The following OTOG variants were observed in gnomAD, a reference collection of about 807,000 sequenced individuals.
OTOG encodes otogelin.
OTOG carries 296 observed loss-of-function variants against 313.8 expected under a neutral mutation model. The observed-to-expected ratio is 0.94, with a 90% CI of 0.86 to 1.04. OTOG has a LOEUF of 1.04. OTOG is among the 50% of genes least tolerant of loss of function. OTOG has a pLI of 0.00. For missense variants in OTOG, 3,948 were observed against 3,840.1 expected, an observed-to-expected ratio of 1.03 and a Z score of -0.74; for synonymous variants, 1,533 against 1,554.9, an observed-to-expected ratio of 0.99 and a Z score of 0.33.
intron 26 of OTOG, 141 bp from the exon 27 acceptor site, chr11:17,593,469 C>T (rs913987325): frequency 5.6e-6 from 8 of 1,423,544 alleles, no homozygotes; most frequent in African/African-American, 2.8e-5. Context: ...CTGAATTCCT[C>T]TTGGCCAGGG....
chr11:17,606,375 G>A (rs990899397), intron 33 of OTOG, among the ~76,000 whole-genome samples: 1 of 152,236 alleles, frequency 6.6e-6, no homozygotes, highest in Admixed American at 6.5e-5. Flanking sequence ...CCTGCCTTCT[G>A]CCACAGGCCA....
Position 17,611,070 on chromosome 11 carries a change from T to C in OTOG, c.5770T>C (p.Tyr1924His), listed in dbSNP as rs1853527744. The stretch of plus-strand genomic sequence containing the variant: ...GCAAGTGTCTCTGCCCACTTCCATG[T>C]ATGGTTCTGCAGAGGGTGGGCCCAC... Reference protein sequence around the residue: ...SKQVSLPTSMYGSAEGGPTEL... With the variant: ...SKQVSLPTSMHGSAEGGPTEL... The change falls in exon 36 of 56, where the codon TAT (tyrosine) becomes CAT (histidine). Residue 1924 changes from tyrosine to histidine, a missense_variant. By Grantham distance (83) the Tyr-to-His change is moderately conservative. Transcript: ENST00000399397. 3 of 1,550,598 alleles carry C rather than the reference T, an allele frequency of 1.9e-6. No individual in the cohort carries two copies. The highest frequency in any genetic ancestry group is 2.6e-6 in the Non-Finnish European group (3 of 1,146,976).
intron 3 of OTOG, 130 bp from the exon 4 acceptor site, chr11:17,551,869 TG>T: frequency 1.3e-6 from 1 of 743,016 alleles, no homozygotes. Flanking sequence ...GAGGAGTGGC[TG>T]GGGCACTGAG....
At chr11:17,587,643 C>T (rs944977520) in intron 24 of OTOG, among the ~76,000 whole-genome samples, 5 of 152,208 alleles carry the variant, frequency 3.3e-5, no homozygotes, top group Non-Finnish European at 5.9e-5. Context: ...AGCAGGGTCA[C>T]GGTCAAGCCC....
At position 17,633,888 on chromosome 11, in the gene OTOG, C is replaced by G; in HGVS notation, c.7267+14C>G. The G allele has an allele frequency of 1.3e-6, 2 of 1,517,600 alleles. No individual in the cohort carries two copies. Among genetic ancestry groups the G allele is most frequent in the Non-Finnish European group, 1.8e-6 (2 of 1,131,390 alleles). The allele number at this position is 1,517,600 out of a possible 1,614,324, so 94.0% of individuals were successfully genotyped here. A position where few individuals can be genotyped will look rare whatever the true frequency, so the allele number is the denominator to read the frequency against. ...AGGCCAAGTGCGGTAGGTTCCTCCC[C>G]TCCCTGAGTGGGGGGCCTCCAAAGC... On this transcript the variant is annotated intron_variant, in intron 43 of 55. Coordinates refer to ENST00000399397, the MANE Select transcript of OTOG (RefSeq NM_001292063.2).
At chr11:17,628,573 G>A (rs1854040481) in intron 39 of OTOG, among the ~76,000 whole-genome samples, 1 of 152,142 alleles carries the variant, frequency 6.6e-6, no homozygotes, top group African/African-American at 2.4e-5. Flanking sequence ...TTTATGTTAG[G>A]CTCAAAGGCA....
intron 6 of OTOG, among the ~76,000 whole-genome samples, chr11:17,553,874 C>T (rs1851999089): frequency 6.6e-6 from 1 of 152,214 alleles, no homozygotes; most frequent in African/African-American, 2.4e-5. Flanking sequence ...GACATCAAAT[C>T]AGAGGACTCA....
intron 10 of OTOG, 21 bp from the exon 11 acceptor site, chr11:17,559,031 A>G: frequency 6.5e-7 from 1 of 1,539,924 alleles, no homozygotes; most frequent in Non-Finnish European, 8.8e-7. Context: ...TTCCAGTGTG[A>G]CCCTTGGTTT....
Position 17,645,831 on chromosome 11 carries a change from T to C in OTOG, c.8629T>C (p.Cys2877Arg). ...INTYARFCKC[C>R]REVGLQRRSV... ...CACCTATGCCCGATTCTGCAAGTGC[T>C]GCCGTGAGGTGGGCCTGCAGCGGCG... The change falls in exon 56 of 56, where the codon TGC becomes CGC. Residue 2877 changes from cysteine (C) to arginine (R), a missense_variant. Cys to Arg is a radical substitution (Grantham distance 180). Transcript: ENST00000399397. The C allele has an allele frequency of 1.3e-6, 2 of 1,551,042 alleles. No homozygotes were observed. The highest frequency in any genetic ancestry group is 1.7e-6 in the Non-Finnish European group (2 of 1,147,094).
At chr11:17,558,346 C>A in intron 9 of OTOG, 31 bp downstream of exon 9, 1 of 1,548,174 alleles carries the variant, frequency 6.5e-7, no homozygotes, top group Non-Finnish European at 8.7e-7. Context: ...CTCCCCTACC[C>A]TAGAGCCTGA....
intron 23 of OTOG, among the ~76,000 whole-genome samples, chr11:17,585,645 T>C (rs1374607260): frequency 6.6e-6 from 1 of 152,204 alleles, no homozygotes; most frequent in African/African-American, 2.4e-5. Flanking sequence ...TCAGAAGCCC[T>C]CAACCCCATT....
chr11:17,633,530 A>G, intron 42 of OTOG, 150 bp from the exon 43 acceptor site: 1 of 672,872 alleles, frequency 1.5e-6, no homozygotes, highest in Non-Finnish European at 2.4e-6. Flanking sequence ...GAAGGAGGTG[A>G]TGTCACCAAG....
rs1388305018 is a variant in OTOG at position 17,593,142 on chromosome 11, C to T, written c.3007-51C>T. On this transcript the variant is annotated intron_variant, in intron 25 of 55. Transcript: ENST00000399397. Reference sequence around the variant, plus strand: ...GTTCCTCCACCTCTGTACCTCTTGGCAGGATCTCCTTTCTCCCTTGTTTTA... The same window carrying T: ...GTTCCTCCACCTCTGTACCTCTTGGTAGGATCTCCTTTCTCCCTTGTTTTA... 4.0e-6 allele frequency: 6 copies of T among 1,509,298 alleles called. No individual in the cohort carries two copies. The South Asian group carries it at 5.0e-5, about 13-fold the overall frequency. The allele number at this position is 1,509,298 out of a possible 1,614,324, so 93.5% of individuals were successfully genotyped here.
At chr11:17,554,152 G>A (rs554667080) in intron 6 of OTOG, among the ~76,000 whole-genome samples, 29 of 152,140 alleles carry the variant, frequency 1.9e-4, no homozygotes, top group Non-Finnish European at 3.4e-4. Flanking sequence ...GAGGTCCTGG[G>A]TGACTCAGTT....
chr11:17,551,842 C>T (rs1310882328), intron 3 of OTOG, among the ~76,000 whole-genome samples, 158 bp from the exon 4 acceptor site: 2 of 152,078 alleles, frequency 1.3e-5, no homozygotes, highest in South Asian at 2.1e-4. Flanking sequence ...CTCTGCCTCT[C>T]GAGGGGGCCA....
chr11:17,575,561 T>C (rs1357489861), intron 20 of OTOG, among the ~76,000 whole-genome samples: 1 of 152,056 alleles, frequency 6.6e-6, no homozygotes, highest in Non-Finnish European at 1.5e-5. Context: ...AGGAGGATAG[T>C]GGGAGGCAGC....
rs1055772937 is a variant in OTOG at position 17,613,686 on chromosome 11, T to C, written c.6513T>C (p.Asp2171=). 6 of 1,550,430 alleles carry C rather than the reference T, an allele frequency of 3.9e-6. No homozygotes were observed. Among genetic ancestry groups the C allele is most frequent in the Non-Finnish European group, 5.2e-6 (6 of 1,146,988 alleles). Residue 2171 remains aspartate, a synonymous_variant, in exon 39 of 56, where the codon GAT becomes GAC. Coordinates refer to ENST00000399397, the MANE Select transcript of OTOG (RefSeq NM_001292063.2). The part of the protein sequence containing the change: ...MTHLAHQVTI[D]RFNRKVTVDL... The stretch of plus-strand genomic sequence containing the variant: ...ACTTGGCCCATCAGGTCACTATTGA[T>C]CGCTTCAACCGAAAGGTGAGTGCAT...
intron 41 of OTOG, 35 bp downstream of exon 41, chr11:17,631,957 T>G (rs1854138744): frequency 1.3e-6 from 2 of 1,545,364 alleles, no homozygotes; most frequent in Non-Finnish European, 1.7e-6. Flanking sequence ...TGGGGACACC[T>G]CCTGGGCTGG....
chr11:17,571,781 G>A lies in OTOG; in HGVS notation c.1956-299G>A, dbSNP rs142809427. Among the ~76,000 whole-genome samples, 405 of 152,194 alleles carry A rather than the reference G, an allele frequency of 2.7e-3. 2 individuals are homozygous for A. Among genetic ancestry groups the A allele is most frequent in the African/African-American group, 9.1e-3 (376 of 41,526 alleles). On this transcript the variant is annotated intron_variant, in intron 17 of 55. Transcript: ENST00000399397. ...TGCGTGTGTGTGTGTGTGTGCGTGCGCGCACGCATGCATGTGTACATCCAT... is the reference window on the plus strand; with the variant it reads ...TGCGTGTGTGTGTGTGTGTGCGTGCACGCACGCATGCATGTGTACATCCAT...
Sources: allele counts gnomAD v4.1 joint callset (sites outside exome capture counted in the v4.1 genomes callset), GRCh38; gene constraint gnomAD v4.1.1; transcripts MANE v1.5; gene names NCBI Gene and HGNC (gene_info 2026-07-23, HGNC 2026-07-21).